The following MRPS27 variants were observed in gnomAD, a reference collection of about 807,000 sequenced individuals.
The protein encoded by MRPS27 is small ribosomal subunit protein mS27.
MRPS27 carries 43 observed loss-of-function variants against 48.9 expected under a neutral mutation model. The observed-to-expected ratio is 0.88, with a 90% confidence interval of 0.69 to 1.13. MRPS27 has a LOEUF of 1.13. Ranked by LOEUF, MRPS27 falls within the 50% of genes most tolerant of loss-of-function variation. The pLI is 0.00. For missense variants in MRPS27, 467 were observed against 476.3 expected (o/e 0.98, Z 0.18); for synonymous variants, 188 against 171.9 (o/e 1.09, Z -0.73).
At chr5:72,257,955 G>A (rs1580076290) in intron 4 of MRPS27, among the ~76,000 whole-genome samples, 1 of 151,862 alleles carries the variant, frequency 6.6e-6, no homozygotes, top group South Asian at 2.1e-4. Flanking sequence ...GTGGTGGCAG[G>A]CGCCTGTGAT....
At position 72,228,306 on chromosome 5, in the gene MRPS27, T is replaced by G. The variant is rs772473765; in HGVS notation, c.654A>C (p.Ser218=). ...LLLPGLKQKN[S]VGFSSQLYGY... ...CATACAACTGGGAACTGAAACCCAC[T>G]GAGTTCTTTTGTTTTAGGCCTGGAA... Residue 218 remains serine, a synonymous_variant, in exon 8 of 11, where the codon TCA becomes TCC. Transcript: ENST00000261413. 11 of 1,613,690 alleles carry G rather than the reference T, an allele frequency of 6.8e-6. No homozygotes were observed. The highest frequency in any genetic ancestry group is 8.5e-6 in the Non-Finnish European group (10 of 1,179,716).
chr5:72,308,542 G>T (rs968608572), intron 2 of MRPS27, among the ~76,000 whole-genome samples: 1 of 152,158 alleles, frequency 6.6e-6, no homozygotes, highest in South Asian at 2.1e-4. Flanking sequence ...GCGCCCACTC[G>T]CCGCGTTCCA....
chr5:72,240,127 T>C (rs1748310053), intron 4 of MRPS27, among the ~76,000 whole-genome samples: 2 of 152,270 alleles, frequency 1.3e-5, no homozygotes, highest in Admixed American at 1.3e-4. Flanking sequence ...TCTTGGCCCA[T>C]AGGTTTTTCA....
In MRPS27 at chr5:72,316,548, T is replaced by A. The variant is rs553651641; in HGVS notation, c.74-2390A>T. On this transcript the variant is annotated intron_variant, in intron 1 of 10. Transcript: ENST00000261413. ...ATGCTTGGATAATTTTTTGTATTTT[T>A]AGTAGAGACGGGGTTTCACCATAAT... Among the ~76,000 whole-genome samples, 6 of 151,960 alleles carry A rather than the reference T, an allele frequency of 3.9e-5. No individual in the cohort carries two copies. The East Asian group carries it at 7.8e-4, about 20-fold the overall frequency.
intron 4 of MRPS27, among the ~76,000 whole-genome samples, chr5:72,290,033 A>G (rs1230562572): frequency 2.0e-5 from 3 of 152,228 alleles, no homozygotes; most frequent in African/African-American, 4.8e-5. Flanking sequence ...AAATACTAAC[A>G]CAAGAATGGT....
chr5:72,223,947 C>A (rs932492420), intron 9 of MRPS27, 97 bp from the exon 10 acceptor site: 2 of 1,151,934 alleles, frequency 1.7e-6, no homozygotes, highest in African/African-American at 3.1e-5. Flanking sequence ...GAAGAATGAG[C>A]TCTAAAAGAC....
intron 7 of MRPS27, 129 bp downstream of exon 7, chr5:72,232,314 A>G: frequency 1.7e-6 from 1 of 571,436 alleles, no homozygotes; most frequent in Non-Finnish European, 3.0e-6. Context: ...ACCAAAATGT[A>G]TACAATAAAC....
intron 4 of MRPS27, among the ~76,000 whole-genome samples, chr5:72,278,190 C>T (rs545151821): frequency 6.6e-6 from 1 of 152,258 alleles, no homozygotes; most frequent in Admixed American, 6.5e-5. Flanking sequence ...TGCCTGTAAT[C>T]CCAGCACTTT....
At chr5:72,221,210 AG>A (rs1747731807) in intron 10 of MRPS27, 62 bp from the exon 11 acceptor site, 5 of 1,567,262 alleles carry the variant, frequency 3.2e-6, no homozygotes, top group Non-Finnish European at 4.3e-6. Context: ...AGATACAAAG[AG>A]GAAAAACTAG....
Position 72,221,163 on chromosome 5 carries a change from T to C in MRPS27, c.1006-15A>G, listed in dbSNP as rs758040431. On this transcript the variant is annotated splice_polypyrimidine_tract_variant and intron_variant, in intron 10 of 10. Coordinates refer to ENST00000261413, the MANE Select transcript of MRPS27 (RefSeq NM_015084.3). ...GAATGTAAGGCCTGTTGGAAACAAA[T>C]GGGAAAAATGAGAAGAAAGGTAGAG... is the stretch of plus-strand genomic sequence containing the variant. The C allele has an allele frequency of 3.7e-6, 6 of 1,610,574 alleles. No homozygotes were observed. The highest frequency in any genetic ancestry group is 1.7e-5 in the Admixed American group (1 of 59,208).
chr5:72,222,567 AATTTTT>A (rs1451841794), intron 10 of MRPS27: 3 of 152,234 alleles, frequency 2.0e-5, no homozygotes, highest in Admixed American at 6.5e-5. Flanking sequence ...AGGAAGTTTT[AATTTTT>A]AAGAATGGTA....
At chr5:72,318,612 T>C (rs1477987371) in intron 1 of MRPS27, among the ~76,000 whole-genome samples, 1 of 151,804 alleles carries the variant, frequency 6.6e-6, no homozygotes, top group Non-Finnish European at 1.5e-5. Flanking sequence ...CTGACCAACA[T>C]GGAGAAACCC....
At chr5:72,310,587 G>C (rs551349731) in intron 2 of MRPS27, among the ~76,000 whole-genome samples, 1 of 152,064 alleles carries the variant, frequency 6.6e-6, no homozygotes, top group Non-Finnish European at 1.5e-5. Context: ...AAAAGGAAGA[G>C]TTCTTGCTTA....
intron 9 of MRPS27, 57 bp from the exon 10 acceptor site, chr5:72,223,907 T>TGAAGAAAGGCTAGA: frequency 1.3e-6 from 2 of 1,571,770 alleles, no homozygotes; most frequent in Admixed American, 1.8e-5. Context: ...AAGCACATGG[T>TGAAGAAAGGCTAGA]GAAGAAAGGC....
At chr5:72,275,325 A>AAGTT in intron 4 of MRPS27, among the ~76,000 whole-genome samples, 1 of 152,290 alleles carries the variant, frequency 6.6e-6, no homozygotes, top group East Asian at 1.9e-4. Flanking sequence ...CTAACAAGCA[A>AAGTT]AGTGAAGGAC....
intron 2 of MRPS27, among the ~76,000 whole-genome samples, chr5:72,299,007 T>C (rs541492860): frequency 6.6e-6 from 1 of 151,852 alleles, no homozygotes; most frequent in African/African-American, 2.4e-5. Flanking sequence ...CCTAAGTAAA[T>C]TAACGCAGGA....
chr5:72,239,872 G>T (rs573693510), intron 4 of MRPS27, among the ~76,000 whole-genome samples: 18 of 152,206 alleles, frequency 1.2e-4, no homozygotes, highest in African/African-American at 4.3e-4. Context: ...GGATCTCGCT[G>T]TGTTGCCCAG....
intron 4 of MRPS27, chr5:72,241,836 C>A (rs1222264019): frequency 1.5e-6 from 1 of 682,086 alleles, no homozygotes; most frequent in African/African-American, 1.8e-5. Flanking sequence ...CCTCTGTGCG[C>A]CTATGCCATC....
chr5:72,267,760 C>A (rs1392694659), intron 4 of MRPS27, among the ~76,000 whole-genome samples: 2 of 151,904 alleles, frequency 1.3e-5, no homozygotes, highest in Non-Finnish European at 2.9e-5. Context: ...TTTATGACTG[C>A]CAAAGATTCA....
Sources: gnomAD v4.1 joint callset for allele counts (sites outside exome capture counted in the v4.1 genomes callset) on GRCh38, gnomAD v4.1.1 for gene constraint, MANE v1.5 for transcripts, NCBI Gene and HGNC (gene_info 2026-07-23, HGNC 2026-07-21) for gene names.